OAS3: variants seen among roughly 807,000 people sequenced by gnomAD.
OAS3 encodes 2'-5'-oligoadenylate synthetase 3.
In OAS3, 107 loss-of-function variants were observed where a neutral mutation model predicts 113.0. That is an observed-to-expected ratio of 0.95 (90% CI 0.81 to 1.11). The LOEUF is 1.11. Among genes scored for constraint, OAS3 ranks in the 50% most tolerant of loss-of-function variants. The probability of loss-of-function intolerance (pLI) is 0.00; values close to 1 mark genes in which losing one functional copy is unlikely to be tolerated. For synonymous variants in OAS3, 552 were observed against 573.6 expected, an observed-to-expected ratio of 0.96 and a Z score of 0.54; for missense variants, 1,258 against 1,389.1, an observed-to-expected ratio of 0.91 and a Z score of 1.50.
chr12:112,957,650 G>A (rs574786864), intron 7 of OAS3, among the ~76,000 whole-genome samples: 69 of 152,326 alleles, frequency 4.5e-4, no homozygotes, highest in African/African-American at 1.6e-3. Context: ...CTTTAAGAAC[G>A]TCGAATATTG....
Position 112,972,835 on chromosome 12 carries a change from A to G in OAS3, c.*2862A>G, listed in dbSNP as rs1007524241. 1 of 152,122 alleles carries G rather than the reference A, an allele frequency of 6.6e-6. No individual in the cohort carries two copies. The highest frequency in any genetic ancestry group is 2.4e-5 in the African/African-American group (1 of 41,424). 9.4% of individuals were successfully genotyped at this position (152,122 alleles called of 1,614,324 possible). ...CAGAAGGCAGAGAAAGTGAAGACCAAGTCCAGAACTGAATCCTAAGAAATG... is the reference window on the plus strand; with the variant it reads ...CAGAAGGCAGAGAAAGTGAAGACCAGGTCCAGAACTGAATCCTAAGAAATG... On this transcript the variant is annotated 3_prime_UTR_variant, in exon 16 of 16. Transcript: ENST00000228928.
At chr12:112,942,306 G>A (rs2043687778) in intron 2 of OAS3, 2 of 275,438 alleles carry the variant, frequency 7.3e-6, no homozygotes, top group Non-Finnish European at 1.4e-5. Context: ...GATAAAAATA[G>A]GCCTCTGTGT....
intron 3 of OAS3, chr12:112,945,315 GAAAAAA>G (rs372510678): frequency 6.7e-5 from 8 of 120,158 alleles, no homozygotes; most frequent in Middle Eastern, 4.4e-3. Context: ...CCATCTCAAG[GAAAAAA>G]AAAAAAAAAA....
At chr12:112,964,524 TAGAGAA>T in intron 11 of OAS3, 116 bp downstream of exon 11, 1 of 1,090,714 alleles carries the variant, frequency 9.2e-7, no homozygotes, top group Non-Finnish European at 1.3e-6. Flanking sequence ...AAGCCAGGCA[TAGAGAA>T]AGAGCTGGAA....
In OAS3 at chr12:112,954,451, T is replaced by G. The variant is rs1445341459; in HGVS notation, c.1657+3476T>G. 6.6e-6 allele frequency among the ~76,000 whole-genome samples: 1 copy of G among 152,098 alleles called. No homozygotes were observed. Among genetic ancestry groups the G allele is most frequent in the Non-Finnish European group, 1.5e-5 (1 of 68,012 alleles). On this transcript the variant is annotated intron_variant, in intron 7 of 15. Transcript: ENST00000228928. The surrounding 1 kb of genome is among the most constrained non-coding windows in gnomAD (Gnocchi z 4.0). ...GACTACAGGTGCCCGCCACCACATC[T>G]GGCTAATTTTTTTGTATTTTTTAGT...
At chr12:112,953,242 G>A (rs1392681313) in intron 7 of OAS3, among the ~76,000 whole-genome samples, 1 of 152,098 alleles carries the variant, frequency 6.6e-6, no homozygotes, top group East Asian at 1.9e-4. Context: ...GTGGTGTTTG[G>A]TTTTCTGCTC....
intron 2 of OAS3, among the ~76,000 whole-genome samples, chr12:112,942,903 A>T (rs7977345): frequency 0.7 from 105,781 of 151,290 alleles, 37,355 homozygotes; most frequent in African/African-American, 0.78. Flanking sequence ...TGGTACCCTA[A>T]GCCTAGTGTA....
At chr12:112,944,440 G>A in intron 2 of OAS3, 36 bp from the exon 3 acceptor site, 1 of 1,612,862 alleles carries the variant, frequency 6.2e-7, no homozygotes, top group Non-Finnish European at 8.5e-7. Flanking sequence ...TGTGTCCTCA[G>A]TGCCCTCCCT....
At chr12:112,944,900 T>A (rs1593174726) in intron 3 of OAS3, 1 of 524,538 alleles carries the variant, frequency 1.9e-6, no homozygotes, top group Non-Finnish European at 3.4e-6. Context: ...AGTCTTCCAG[T>A]CTGTGTCTTG....
chr12:112,963,539 C>T lies in OAS3; in HGVS notation c.2229+82C>T. On this transcript the variant is annotated intron_variant, in intron 10 of 15. Transcript: ENST00000228928. The surrounding 1 kb of genome is among the most constrained non-coding windows in gnomAD (Gnocchi z 4.6). ...TCCCTTAACCTGCCGGTGCACCCAT[C>T]CCCAGCTGCTAGGAGTGTTGGTGGC... is the stretch of plus-strand genomic sequence containing the variant. 1 of 1,329,882 alleles carries T rather than the reference C, an allele frequency of 7.5e-7. No individual in the cohort carries two copies. The highest frequency in any genetic ancestry group is 9.8e-7 in the Non-Finnish European group (1 of 1,016,064). The allele number at this position is 1,329,882 out of a possible 1,614,324, so 82.4% of individuals were successfully genotyped here.
In OAS3 at chr12:112,972,487, A is replaced by G. The variant is rs2043993194; in HGVS notation, c.*2514A>G. 2 of 152,208 alleles carry G rather than the reference A, an allele frequency of 1.3e-5. No homozygotes were observed. The highest frequency in any genetic ancestry group is 1.3e-4 in the Admixed American group (2 of 15,286). The allele number at this position is 152,208 out of a possible 1,614,324, so 9.4% of individuals were successfully genotyped here. A position where few individuals can be genotyped will look rare whatever the true frequency, so the allele number is the denominator to read the frequency against. ...CTTAATGGTCACCCTAAAAACACCCACATATGCTTTTCGATGGAACCAGGT... is the reference window on the plus strand; with the variant it reads ...CTTAATGGTCACCCTAAAAACACCCGCATATGCTTTTCGATGGAACCAGGT... On this transcript the variant is annotated 3_prime_UTR_variant, in exon 16 of 16. Transcript: ENST00000228928.
At chr12:112,943,744 C>T (rs1031290743) in intron 2 of OAS3, among the ~76,000 whole-genome samples, 7 of 152,256 alleles carry the variant, frequency 4.6e-5, no homozygotes, top group Admixed American at 2.0e-4. Flanking sequence ...GACAGAGTTT[C>T]GCTCTGTCCC....
At position 112,962,591 on chromosome 12, in the gene OAS3, A is replaced by G. The variant is rs915113267; in HGVS notation, c.1834-61A>G. 4.4e-6 allele frequency: 7 copies of G among 1,578,954 alleles called. No individual in the cohort carries two copies. The East Asian group carries it at 1.4e-4, about 31-fold the overall frequency. ...TATTCCCTTCCTGCCCCAAGTGCTTATGGCCACACTCAGCTCACATCCACT... is the reference window on the plus strand; with the variant it reads ...TATTCCCTTCCTGCCCCAAGTGCTTGTGGCCACACTCAGCTCACATCCACT... On this transcript the variant is annotated intron_variant, in intron 8 of 15. Coordinates refer to ENST00000228928, the MANE Select transcript of OAS3 (RefSeq NM_006187.4).
chr12:112,944,617 A>C lies in OAS3; in HGVS notation c.602A>C (p.Asn201Thr), dbSNP rs1381829359. The C allele has an allele frequency of 1.2e-6, 2 of 1,613,948 alleles. No individual in the cohort carries two copies. The highest frequency in any genetic ancestry group is 1.7e-6 in the Non-Finnish European group (2 of 1,179,908). ...FVNIRPAKLK[N>T]LILLVKHWYH... Reference sequence around the variant, plus strand: ...AACATTCGCCCAGCCAAGTTGAAGAACCTAATCTTGCTGGTGAAGCACTGG... The same window carrying C: ...AACATTCGCCCAGCCAAGTTGAAGACCCTAATCTTGCTGGTGAAGCACTGG... The change falls in exon 3 of 16, where the codon AAC becomes ACC. Residue 201 changes from asparagine to threonine, a missense_variant. By Grantham distance (65) the Asn-to-Thr change is moderately conservative (BLOSUM62 0). Transcript: ENST00000228928.
chr12:112,959,303 G>T (rs567030800), intron 7 of OAS3, among the ~76,000 whole-genome samples: 1 of 152,152 alleles, frequency 6.6e-6, no homozygotes, highest in Non-Finnish European at 1.5e-5. Flanking sequence ...CAGGTGAGGC[G>T]ACGCCCTGCC....
At position 112,962,784 on chromosome 12, in the gene OAS3, C is replaced by T. The variant is rs559364164; in HGVS notation, c.1966C>T (p.Arg656Trp). 9.9e-6 allele frequency: 16 copies of T among 1,614,040 alleles called. No individual in the cohort carries two copies. The highest frequency in any genetic ancestry group is 5.0e-5 in the Admixed American group (3 of 60,030). Residue 656 changes from arginine to tryptophan, a missense_variant, in exon 9 of 16, where the codon CGG becomes TGG. By Grantham distance (101) the Arg-to-Trp change is moderately radical. Coordinates refer to ENST00000228928, the MANE Select transcript of OAS3 (RefSeq NM_006187.4). ...QDCFNMAQGF[R>W]TVLGLVQQHQ... ...TTGTTTCAACATGGCCCAAGGCTTC[C>T]GGACGGTGCTGGGGCTCGTGCAACA...
intron 5 of OAS3, among the ~76,000 whole-genome samples, 196 bp downstream of exon 5, chr12:112,948,295 G>C (rs1041424761): frequency 6.6e-6 from 1 of 152,222 alleles, no homozygotes; most frequent in East Asian, 1.9e-4. Context: ...CAGAGGTCAG[G>C]AGTTCGAGAC....
Position 112,965,745 on chromosome 12 carries a change from G to C in OAS3, c.2405G>C (p.Gly802Ala). Residue 802 changes from glycine (G) to alanine (A), a missense_variant and splice_region_variant, in exon 12 of 16, where the codon GGT becomes GCT. Gly to Ala is a moderately conservative substitution (Grantham distance 60, BLOSUM62 0). Coordinates refer to ENST00000228928, the MANE Select transcript of OAS3 (RefSeq NM_006187.4). Reference protein sequence around the residue: ...SPIKVIKVVKGGSSAKGTALR... With the variant: ...SPIKVIKVVKAGSSAKGTALR... ...AGCCACCTGCCATGTCCTCTCCAGG[G>C]TGGCTCTTCAGCCAAAGGCACAGCT... 6.2e-7 allele frequency: 1 copy of C among 1,608,142 alleles called. No individual in the cohort carries two copies. The highest frequency in any genetic ancestry group is 8.5e-7 in the Non-Finnish European group (1 of 1,178,520).
At position 112,938,583 on chromosome 12, in the gene OAS3, G is replaced by A. The variant is rs1859330; in HGVS notation, c.53G>A (p.Arg18Lys). The A allele has an allele frequency of 0.65, 1,039,927 of 1,609,700 alleles. 338,756 individuals are homozygous for A. Among genetic ancestry groups the A allele is most frequent in the East Asian group, 0.79 (35,488 of 44,646 alleles). The change falls in exon 1 of 16, where the codon AGG (arginine) becomes AAG (lysine). Residue 18 changes from arginine to lysine, a missense_variant. By Grantham distance (26) the Arg-to-Lys change is conservative. Transcript: ENST00000228928. ...GCGCTGGACAGGTTCGTGGCCAGAA[G>A]GCTGCAGCCGCGGAAGGAGTTCGTA... ...AAALDRFVAR[R>K]LQPRKEFVEK...
Sources: gnomAD v4.1 joint callset for allele counts (sites outside exome capture counted in the v4.1 genomes callset) on GRCh38, gnomAD v4.1.1 for gene constraint, Gnocchi (gnomAD v3.1) non-coding constraint, MANE v1.5 for transcripts, NCBI Gene and HGNC (gene_info 2026-07-23, HGNC 2026-07-21) for gene names.